Variants in GLYAT observed in about 807,000 individuals in gnomAD.
The protein encoded by GLYAT is glycine N-acyltransferase.
A neutral mutation model predicts 22.8 loss-of-function variants in GLYAT; 25 were observed. The observed-to-expected ratio is 1.09, with a 90% CI of 0.80 to 1.53. The LOEUF (loss-of-function observed/expected upper bound fraction) is 1.53, where lower values mean the gene tolerates loss of function less well. GLYAT is among the 40% of genes most tolerant of loss of function. GLYAT has a pLI of 0.00. For synonymous variants in GLYAT, 140 were observed against 122.7 expected (o/e 1.14, Z -0.93); for missense variants, 411 against 353.9 (o/e 1.16, Z -1.29).
At chr11:58,722,057 C>G (rs1185453301) in intron 2 of GLYAT, among the ~76,000 whole-genome samples, 2 of 152,028 alleles carry the variant, frequency 1.3e-5, no homozygotes, top group African/African-American at 2.4e-5. Context: ...AAGAGACCTT[C>G]CTCCCCATCT....
In GLYAT at chr11:58,715,358, C is replaced by T; in HGVS notation, c.147G>A (p.Lys49=). Residue 49 remains lysine, a synonymous_variant, in exon 3 of 6, where the codon AAG becomes AAA. Transcript: ENST00000344743. ...CAACCACTGTATTAAAATCAGGCCA[C>T]TTGTCCACCACAGCCTTCAGATTGA... is the stretch of plus-strand genomic sequence containing the variant. ...NPFNLKAVVD[K]WPDFNTVVVC... 3 of 1,601,790 alleles carry T rather than the reference C, an allele frequency of 1.9e-6. No individual in the cohort carries two copies. Among genetic ancestry groups the T allele is most frequent in the Non-Finnish European group, 2.6e-6 (3 of 1,169,106 alleles).
At chr11:58,718,026 A>G (rs1362064647) in intron 2 of GLYAT, among the ~76,000 whole-genome samples, 2 of 152,008 alleles carry the variant, frequency 1.3e-5, no homozygotes. Flanking sequence ...TTTATTTACC[A>G]CAGTCAGAAA....
At chr11:58,729,839 T>G (rs937129712) in intron 1 of GLYAT, among the ~76,000 whole-genome samples, 82 of 152,322 alleles carry the variant, frequency 5.4e-4, no homozygotes, top group African/African-American at 1.8e-3. Context: ...TCTTGTCTTT[T>G]CTCTAGATGC....
At chr11:58,723,848 C>T (rs759916285) in intron 2 of GLYAT, among the ~76,000 whole-genome samples, 6 of 151,634 alleles carry the variant, frequency 4.0e-5, no homozygotes, top group Non-Finnish European at 7.4e-5. Flanking sequence ...ATTATTAATA[C>T]CAGGTTAAGA....
chr11:58,716,479 T>C (rs1470494063), intron 2 of GLYAT, among the ~76,000 whole-genome samples: 1 of 152,132 alleles, frequency 6.6e-6, no homozygotes, highest in Admixed American at 6.6e-5. Flanking sequence ...GAATTAATTC[T>C]GTTTTCAGCC....
intron 2 of GLYAT, among the ~76,000 whole-genome samples, chr11:58,724,006 A>G (rs1286695573): frequency 6.6e-6 from 1 of 152,060 alleles, no homozygotes; most frequent in African/African-American, 2.4e-5. Context: ...GTCCTTTTGT[A>G]ATAAACAAGT....
Position 58,714,160 on chromosome 11 carries a change from G to A in GLYAT, c.189+1156C>T, listed in dbSNP as rs193076029. Among the ~76,000 whole-genome samples the A allele has an allele frequency of 5.1e-3, 769 of 152,142 alleles. 8 individuals are homozygous for A. Among genetic ancestry groups the A allele is most frequent in the African/African-American group, 0.018 (736 of 41,526 alleles). On this transcript the variant is annotated intron_variant, in intron 3 of 5. Coordinates refer to ENST00000344743, the MANE Select transcript of GLYAT (RefSeq NM_201648.3). Reference sequence around the variant, plus strand: ...TGGTAGTTATCAGCAGGTAAGGTGGGGGAAAGTAGAGGAATTGGGTAGTTG... The same window carrying A: ...TGGTAGTTATCAGCAGGTAAGGTGGAGGAAAGTAGAGGAATTGGGTAGTTG...
At chr11:58,721,614 T>C (rs1856751335) in intron 2 of GLYAT, among the ~76,000 whole-genome samples, 1 of 151,936 alleles carries the variant, frequency 6.6e-6, no homozygotes, top group African/African-American at 2.4e-5. Flanking sequence ...ATGTTAGCCT[T>C]TTAATTAAGC....
chr11:58,727,070 A>G (rs1037459982), intron 1 of GLYAT, among the ~76,000 whole-genome samples: 2 of 152,166 alleles, frequency 1.3e-5, no homozygotes, highest in African/African-American at 4.8e-5. Context: ...AACTGTTTCA[A>G]AAACCCCAGA....
At chr11:58,723,582 A>G (rs966508759) in intron 2 of GLYAT, among the ~76,000 whole-genome samples, 1 of 152,122 alleles carries the variant, frequency 6.6e-6, no homozygotes, top group African/African-American at 2.4e-5. Context: ...TGCACTATAT[A>G]GGAATGTCTT....
intron 2 of GLYAT, among the ~76,000 whole-genome samples, chr11:58,718,124 G>T (rs758130389): frequency 2.0e-5 from 3 of 151,954 alleles, no homozygotes; most frequent in Non-Finnish European, 2.9e-5. Flanking sequence ...ATTTCTTAAA[G>T]GAAAGCAGTT....
chr11:58,710,962 G>A (rs573352740), intron 4 of GLYAT, among the ~76,000 whole-genome samples: 99 of 152,224 alleles, frequency 6.5e-4, no homozygotes, highest in Non-Finnish European at 1.0e-3. Flanking sequence ...ATCTAATTAA[G>A]AATCAATAGT....
At chr11:58,723,961 G>T (rs1292990582) in intron 2 of GLYAT, among the ~76,000 whole-genome samples, 1 of 152,056 alleles carries the variant, frequency 6.6e-6, no homozygotes, top group Non-Finnish European at 1.5e-5. Context: ...TAATTTCAAA[G>T]AAGACTCATT....
chr11:58,715,951 G>T (rs1291442973), intron 2 of GLYAT, among the ~76,000 whole-genome samples: 3 of 152,060 alleles, frequency 2.0e-5, no homozygotes, highest in African/African-American at 7.2e-5. Flanking sequence ...AGTAATTGCT[G>T]GTTTAAAGGC....
At chr11:58,729,014 T>G (rs1174493510) in intron 1 of GLYAT, among the ~76,000 whole-genome samples, 1 of 151,928 alleles carries the variant, frequency 6.6e-6, no homozygotes. Context: ...GTCTGGCTAA[T>G]TACTGATCTG....
intron 1 of GLYAT, among the ~76,000 whole-genome samples, chr11:58,727,445 A>G (rs975577400): frequency 2.4e-4 from 37 of 152,188 alleles, no homozygotes; most frequent in Admixed American, 1.2e-3. Flanking sequence ...CAGGAGATAC[A>G]GGGTGCAGCT....
At chr11:58,714,381 G>T (rs1490175614) in intron 3 of GLYAT, among the ~76,000 whole-genome samples, 3 of 152,104 alleles carry the variant, frequency 2.0e-5, no homozygotes, top group African/African-American at 2.4e-5. Context: ...AAGTATATTT[G>T]TGTTTTCTGA....
At chr11:58,716,310 A>G (rs1856679385) in intron 2 of GLYAT, among the ~76,000 whole-genome samples, 1 of 152,106 alleles carries the variant, frequency 6.6e-6, no homozygotes, top group South Asian at 2.1e-4. Flanking sequence ...AAATACACCA[A>G]AAAGGTGCTG....
In GLYAT at chr11:58,709,519, C is replaced by T; in HGVS notation, c.*247G>A. The stretch of plus-strand genomic sequence containing the variant: ...GTATCTGATGAAGTGTCATAGAGGT[C>T]CTGGAAATGTGGGGAGGTAAATTGC... On this transcript the variant is annotated 3_prime_UTR_variant, in exon 6 of 6. Coordinates refer to ENST00000344743, the MANE Select transcript of GLYAT (RefSeq NM_201648.3). 1 of 424,902 alleles carries T rather than the reference C, an allele frequency of 2.4e-6. No individual in the cohort carries two copies. The highest frequency in any genetic ancestry group is 3.6e-5 in the East Asian group (1 of 27,518). The allele number at this position is 424,902 out of a possible 1,614,324, so 26.3% of individuals were successfully genotyped here.
Sources: gnomAD v4.1 joint callset for allele counts (sites outside exome capture counted in the v4.1 genomes callset) on GRCh38, gnomAD v4.1.1 for gene constraint, MANE v1.5 for transcripts, NCBI Gene and HGNC (gene_info 2026-07-23, HGNC 2026-07-21) for gene names.